CFI: variants seen among roughly 807,000 people sequenced by gnomAD.
CFI encodes the protein complement factor I.
In CFI, 66 loss-of-function variants were observed where a neutral mutation model predicts 78.8. The ratio of observed to expected loss-of-function variants is 0.84; its 90% CI spans 0.69 to 1.03. The LOEUF (loss-of-function observed/expected upper bound fraction) is 1.03, where lower values mean the gene tolerates loss of function less well. Ranked by LOEUF, CFI falls within the 50% of genes least tolerant of loss-of-function variation. The pLI is 0.00. For missense variants in CFI, 706 were observed against 704.5 expected, an observed-to-expected ratio of 1.00 and a Z score of -0.02; for synonymous variants, 250 against 232.6, an observed-to-expected ratio of 1.07 and a Z score of -0.68.
chr4:109,737,742 T>C (rs1723451775), downstream of CFI, among the ~76,000 whole-genome samples: 1 of 152,162 alleles, frequency 6.6e-6, no homozygotes, highest in Non-Finnish European at 1.5e-5. Context: ...ATGTGTAGAC[T>C]CCAATTCTCT....
At chr4:109,796,207 T>C (rs1219617843) in intron 1 of CFI, among the ~76,000 whole-genome samples, 10 of 151,842 alleles carry the variant, frequency 6.6e-5, no homozygotes, top group Non-Finnish European at 1.2e-4. Context: ...CAGGAAAGAG[T>C]GGGATAATAT....
chr4:109,801,591 G>A (rs537686109), intron 1 of CFI, among the ~76,000 whole-genome samples: 1 of 152,246 alleles, frequency 6.6e-6, no homozygotes, highest in South Asian at 2.1e-4. Context: ...CACTGTCTTC[G>A]TAGCACTGTA....
chr4:109,733,163 G>A, the CFI span, among the ~76,000 whole-genome samples: 2 of 152,024 alleles, frequency 1.3e-5, no homozygotes, highest in African/African-American at 4.8e-5. Context: ...AGTAGCAATG[G>A]GGTTTCACCA....
intron 2 of CFI, 98 bp downstream of exon 2, chr4:109,766,456 A>G: frequency 4.8e-6 from 7 of 1,450,538 alleles, no homozygotes; most frequent in Non-Finnish European, 6.7e-6. Context: ...TTGAGTTGTC[A>G]TCATAACATA....
chr4:109,788,292 T>C (rs764386039), intron 1 of CFI, among the ~76,000 whole-genome samples: 4 of 152,130 alleles, frequency 2.6e-5, no homozygotes, highest in Non-Finnish European at 5.9e-5. Context: ...TCCAGAAAGA[T>C]ATTGGCTAAT....
intron 6 of CFI, among the ~76,000 whole-genome samples, chr4:109,758,859 G>A (rs939584001): frequency 2.0e-5 from 3 of 152,198 alleles, no homozygotes; most frequent in South Asian, 2.1e-4. Context: ...TTGGGAGGCC[G>A]AGGCAGGCAG....
intron 1 of CFI, among the ~76,000 whole-genome samples, chr4:109,777,249 C>T (rs138887365): frequency 0.023 from 3,514 of 152,220 alleles, 71 homozygotes; most frequent in Non-Finnish European, 0.035. Context: ...CAGAGACACA[C>T]ATAGGCTCAA....
rs200790497 is a variant in CFI at position 109,787,041 on chromosome 4, AAAG to A, written c.57+14871_57+14873del. Among the ~76,000 whole-genome samples, 445 of 152,186 alleles carry A rather than the reference AAAG, an allele frequency of 2.9e-3. 5 individuals carry two copies. The highest frequency in any genetic ancestry group is 1.0e-2 in the African/African-American group (414 of 41,524). On this transcript the variant is annotated intron_variant, in intron 1 of 12. Coordinates refer to ENST00000394634, the MANE Select transcript of CFI (RefSeq NM_000204.5). ...CATGACCAGGCTAGCACAGACATAA[AAAG>A]AAGAACCAGCCCTTCTGAGCCCAGT...
chr4:109,800,356 G>T (rs1261806705), intron 1 of CFI, among the ~76,000 whole-genome samples: 1 of 121,306 alleles, frequency 8.2e-6, no homozygotes, highest in Non-Finnish European at 1.6e-5. Flanking sequence ...TTTTGAGACA[G>T]GATCTTGCTG....
At chr4:109,739,577 G>C (rs1424102952), downstream of CFI, among the ~76,000 whole-genome samples, 1 of 152,172 alleles carries the variant, frequency 6.6e-6, no homozygotes, top group Non-Finnish European at 1.5e-5. Context: ...AAGTGCAACT[G>C]TTGAGTTTGG....
chr4:109,749,954 T>C (rs1009828829), intron 8 of CFI, among the ~76,000 whole-genome samples: 1 of 152,082 alleles, frequency 6.6e-6, no homozygotes, highest in African/African-American at 2.4e-5. Context: ...TCTGAAATCA[T>C]CAGGGTAAAC....
intron 1 of CFI, among the ~76,000 whole-genome samples, chr4:109,790,294 A>AT (rs1205344391): frequency 6.6e-6 from 1 of 151,768 alleles, no homozygotes; most frequent in Non-Finnish European, 1.5e-5. Context: ...CTTACTATAT[A>AT]TTTTTTGTTT....
intron 11 of CFI, among the ~76,000 whole-genome samples, chr4:109,745,904 G>A (rs1724351334): frequency 6.6e-6 from 1 of 152,122 alleles, no homozygotes; most frequent in South Asian, 2.1e-4. Flanking sequence ...ACCTTTGAAA[G>A]CCTAGATAAG....
chr4:109,740,018 G>A (rs771786043), downstream of CFI, among the ~76,000 whole-genome samples: 3 of 152,204 alleles, frequency 2.0e-5, no homozygotes, highest in African/African-American at 7.2e-5. Context: ...CAGGGGCCTG[G>A]TGTGGTGGCT....
chr4:109,789,740 G>T (rs1201970874), intron 1 of CFI, among the ~76,000 whole-genome samples: 2 of 152,006 alleles, frequency 1.3e-5, no homozygotes, highest in African/African-American at 4.8e-5. Flanking sequence ...GGGAGTTTTT[G>T]ATTTGGTGGG....
chr4:109,777,021 C>T (rs563170486), intron 1 of CFI, among the ~76,000 whole-genome samples: 9 of 152,246 alleles, frequency 5.9e-5, no homozygotes, highest in African/African-American at 2.2e-4. Context: ...CAAAAACATG[C>T]CAAATTGTAA....
Position 109,783,828 on chromosome 4 carries a change from T to TAC in CFI, c.58-17005_58-17004insGT, listed in dbSNP as rs71189556. 1.3e-4 allele frequency among the ~76,000 whole-genome samples: 19 copies of TAC among 140,960 alleles called. 1 individual carries two copies. Among genetic ancestry groups the TAC allele is most frequent in the African/African-American group, 5.0e-4 (19 of 37,972 alleles). The allele number at this position is 140,960 out of a possible 152,430, so 92.5% of individuals were successfully genotyped here. ...AGAAACTGTGATATATATATATATA[T>TAC]ATATATGATGGAATACTACTCAGCC... On this transcript the variant is annotated intron_variant, in intron 1 of 12. Transcript: ENST00000394634.
intron 2 of CFI, 77 bp from the exon 3 acceptor site, chr4:109,764,767 A>G (rs1199797399): frequency 3.0e-6 from 4 of 1,312,752 alleles, no homozygotes; most frequent in Non-Finnish European, 4.3e-6. Flanking sequence ...TTTAAAAATA[A>G]TAATGTACTT....
In CFI at chr4:109,740,960, A is replaced by G; in HGVS notation, c.1685T>C (p.Val562Ala). 1 of 1,614,214 alleles carries G rather than the reference A, an allele frequency of 6.2e-7. No individual in the cohort carries two copies. The highest frequency in any genetic ancestry group is 8.5e-7 in the Non-Finnish European group (1 of 1,180,024). Residue 562 changes from valine to alanine, a missense_variant, in exon 13 of 13, where the codon GTG becomes GCG. Transcript: ENST00000394634. The part of the protein sequence containing the change: ...KPEFPGVYTK[V>A]ANYFDWISYH... ...GCTAATCCAGTCAAAATAATTGGCCACTTTGGTGTAAACACCTGGGAACTC... is the reference window on the plus strand; with the variant it reads ...GCTAATCCAGTCAAAATAATTGGCCGCTTTGGTGTAAACACCTGGGAACTC...
Sources: allele counts gnomAD v4.1 joint callset (sites outside exome capture counted in the v4.1 genomes callset), GRCh38; gene constraint gnomAD v4.1.1; transcripts MANE v1.5; gene names NCBI Gene and HGNC (gene_info 2026-07-23, HGNC 2026-07-21).